AQP4: variants seen among roughly 807,000 people sequenced by gnomAD.
The protein encoded by AQP4 is aquaporin-4.
In AQP4, 18 loss-of-function variants were observed where a neutral mutation model predicts 27.8. The ratio of observed to expected loss-of-function variants is 0.65; its 90% CI spans 0.45 to 0.96. AQP4 has a LOEUF of 0.96. AQP4 is among the 40% of genes least tolerant of loss of function. The pLI, the probability that AQP4 is intolerant of heterozygous loss-of-function variation, is 0.00. For missense variants in AQP4, 412 were observed against 408.2 expected (o/e 1.01, Z -0.08); for synonymous variants, 141 against 142.9 (o/e 0.99, Z 0.10).
intron 1 of AQP4, chr18:26,862,921 G>A (rs2054981647): frequency 1.3e-5 from 4 of 307,652 alleles, no homozygotes; most frequent in Non-Finnish European, 2.4e-5. Flanking sequence ...TTCCCTTAGA[G>A]CAAGTTTTTA....
chr18:26,858,630 C>A (rs556613594), intron 4 of AQP4, among the ~76,000 whole-genome samples: 21 of 152,282 alleles, frequency 1.4e-4, no homozygotes, highest in African/African-American at 5.1e-4. Flanking sequence ...AATGTCTTTG[C>A]TCTTTGTTAG....
intron 2 of AQP4, 45 bp downstream of exon 2, chr18:26,862,137 G>T (rs920954682): frequency 6.2e-7 from 1 of 1,602,248 alleles, no homozygotes; most frequent in Non-Finnish European, 8.6e-7. Context: ...CAAAGAGTTT[G>T]CAAGAAGCTT....
Position 26,852,954 on chromosome 18 carries a change from A to G in AQP4, c.*3257T>C. The G allele has an allele frequency of 2.5e-6, 1 of 398,402 alleles. No homozygotes were observed. Among genetic ancestry groups the G allele is most frequent in the Middle Eastern group, 6.3e-4 (1 of 1,588 alleles). 24.7% of individuals were successfully genotyped at this position (398,402 alleles called of 1,614,324 possible). On this transcript the variant is annotated 3_prime_UTR_variant, in exon 5 of 5. Coordinates refer to ENST00000383168, the MANE Select transcript of AQP4 (RefSeq NM_001650.7). ...TGCAATCAGAGGCCTTCTAGGATTC[A>G]TCTTACCATTTGAATTTACTGCTCT...
At chr18:26,859,190 T>A (rs1018187318) in intron 4 of AQP4, among the ~76,000 whole-genome samples, 2 of 152,240 alleles carry the variant, frequency 1.3e-5, no homozygotes, top group African/African-American at 2.4e-5. Context: ...CAAAATAGTT[T>A]CAATTTAATA....
In AQP4 at chr18:26,860,794, A is replaced by G. The variant is rs72557975; in HGVS notation, c.671T>C (p.Met224Thr). The G allele has an allele frequency of 1.2e-3, 1,929 of 1,614,104 alleles. 5 individuals carry two copies. The highest frequency in any genetic ancestry group is 1.7e-3 in the Admixed American group (105 of 60,030). The change falls in exon 4 of 5, where the codon ATG (methionine) becomes ACG (threonine). Residue 224 changes from methionine to threonine, a missense_variant. Physicochemically the swap from Met to Thr is moderately conservative, Grantham distance 81. Coordinates refer to ENST00000383168, the MANE Select transcript of AQP4 (RefSeq NM_001650.7). ...TACCCAATGGTTTTCCCAATTTCCC[A>G]TGATAACTGCAGGTCCAAAGGATCG... Reference protein sequence around the residue: ...PARSFGPAVIMGNWENHWIYW... With the variant: ...PARSFGPAVITGNWENHWIYW...
chr18:26,864,407 A>AG (rs3834827), intron 1 of AQP4, among the ~76,000 whole-genome samples: 4,394 of 152,182 alleles, frequency 0.029, 78 homozygotes, highest in South Asian at 0.1. Context: ...CTGGCTCCAC[A>AG]GGGGGGTGGC....
rs192144920 is a variant in AQP4, at chr18:26,862,018, C to T, written c.447+164G>A. 2.0e-4 allele frequency: 163 copies of T among 816,338 alleles called. 1 individual carries two copies. In the East Asian group the frequency reaches 3.9e-3, roughly 20 times the overall value. The allele number at this position is 816,338 out of a possible 1,614,324, so 50.6% of individuals were successfully genotyped here. A position where few individuals can be genotyped will look rare whatever the true frequency, so the allele number is the denominator to read the frequency against. On this transcript the variant is annotated intron_variant, in intron 2 of 4. Transcript: ENST00000383168. Reference sequence around the variant, plus strand: ...AAACAATGATTTCTTACAGATATACCTAAATACTGCCAGAATCAGTTTTCA... The same window carrying T: ...AAACAATGATTTCTTACAGATATACTTAAATACTGCCAGAATCAGTTTTCA...
chr18:26,856,987 CAG>C (rs1372962546), intron 4 of AQP4, among the ~76,000 whole-genome samples: 1 of 152,178 alleles, frequency 6.6e-6, no homozygotes, highest in Non-Finnish European at 1.5e-5. Flanking sequence ...CACCACTTAG[CAG>C]AGTTATGAGT....
Position 26,855,610 on chromosome 18 carries a change from A to T in AQP4, c.*601T>A, listed in dbSNP as rs577787421. ...TGGGCATTGAGGAGGAAGAAATACC[A>T]TGAAATGAAGTTAGAATTGAAACTT... On this transcript the variant is annotated 3_prime_UTR_variant, in exon 5 of 5. Transcript: ENST00000383168. The T allele has an allele frequency of 6.5e-6, 1 of 153,992 alleles. No individual in the cohort carries two copies. The highest frequency in any genetic ancestry group is 6.5e-5 in the Admixed American group (1 of 15,490). 9.5% of individuals were successfully genotyped at this position (153,992 alleles called of 1,614,324 possible).
At chr18:26,861,377 A>G in intron 2 of AQP4, 82 bp from the exon 3 acceptor site, 2 of 1,394,244 alleles carry the variant, frequency 1.4e-6, no homozygotes, top group Non-Finnish European at 1.0e-6. Context: ...TGAAAGGCAC[A>G]TTTTATCTGT....
chr18:26,865,309 CTT>C (rs2144979474), intron 1 of AQP4: 3 of 409,262 alleles, frequency 7.3e-6, no homozygotes, highest in South Asian at 6.8e-5. Flanking sequence ...GGACACATTA[CTT>C]TCTAGCTGAA....
At chr18:26,865,744 C>G (rs1480025903), upstream of AQP4, 1 of 1,609,982 alleles carries the variant, frequency 6.2e-7, no homozygotes, top group Non-Finnish European at 8.5e-7. Context: ...TCCCTGTGTG[C>G]TGGGAGTCAG....
At chr18:26,860,924 T>C (rs2054930480) in intron 3 of AQP4, 72 bp from the exon 4 acceptor site, 1 of 1,479,974 alleles carries the variant, frequency 6.8e-7, no homozygotes, top group Non-Finnish European at 9.4e-7. Context: ...TCATTGCAAT[T>C]TGCTGTCATT....
In AQP4 at chr18:26,860,845, T is replaced by C. The variant is rs765939032; in HGVS notation, c.620A>G (p.Tyr207Cys). ...GGCGGGATTCATGCTGGCACCAGTA[T>C]AATTGATCTATAGGAAACAAGAAAA... ...VAIGHLFAIN[Y>C]TGASMNPARS... The change falls in exon 4 of 5, where the codon TAT becomes TGT. Residue 207 changes from tyrosine to cysteine, a missense_variant. By Grantham distance (194) the Tyr-to-Cys change is radical (BLOSUM62 -2). Coordinates refer to ENST00000383168, the MANE Select transcript of AQP4 (RefSeq NM_001650.7). 2 of 1,614,020 alleles carry C rather than the reference T, an allele frequency of 1.2e-6. No individual in the cohort carries two copies. The highest frequency in any genetic ancestry group is 2.2e-5 in the East Asian group (1 of 44,870).
rs1439451083 is a variant in AQP4 at position 26,854,694 on chromosome 18, G to A, written c.*1517C>T. 1.3e-5 allele frequency: 2 copies of A among 152,652 alleles called. No individual in the cohort carries two copies. The highest frequency in any genetic ancestry group is 2.9e-5 in the Non-Finnish European group (2 of 68,058). The allele number at this position is 152,652 out of a possible 1,614,324, so 9.5% of individuals were successfully genotyped here. On this transcript the variant is annotated 3_prime_UTR_variant, in exon 5 of 5. Coordinates refer to ENST00000383168, the MANE Select transcript of AQP4 (RefSeq NM_001650.7). ...AGAGTTGGAACCATGCTTGAGAGAA[G>A]ACAGCCCTTGATCATCAGTTATTTA...
intron 4 of AQP4, among the ~76,000 whole-genome samples, chr18:26,857,218 T>G (rs2054859918): frequency 1.3e-5 from 2 of 152,198 alleles, no homozygotes; most frequent in Non-Finnish European, 2.9e-5. Context: ...TGCAGATAGC[T>G]TTCATCTATG....
intron 1 of AQP4, among the ~76,000 whole-genome samples, chr18:26,864,748 G>A (rs1016037250): frequency 2.0e-5 from 3 of 152,048 alleles, no homozygotes; most frequent in African/African-American, 7.3e-5. Flanking sequence ...AGAAGGAGGA[G>A]GACAAAACAG....
chr18:26,856,690 A>G (rs2144951179), intron 4 of AQP4, among the ~76,000 whole-genome samples: 1 of 152,142 alleles, frequency 6.6e-6, no homozygotes, highest in South Asian at 2.1e-4. Flanking sequence ...ATTTGAACAG[A>G]AAACAAAAAG....
intron 3 of AQP4, 119 bp from the exon 4 acceptor site, chr18:26,860,971 A>G (rs2054931198): frequency 1.5e-6 from 2 of 1,360,296 alleles, no homozygotes; most frequent in South Asian, 2.4e-5. Flanking sequence ...TAGCAGCTAT[A>G]TCAACATTCT....
Sources: allele counts gnomAD v4.1 joint callset (sites outside exome capture counted in the v4.1 genomes callset), GRCh38; gene constraint gnomAD v4.1.1; transcripts MANE v1.5; gene names NCBI Gene and HGNC (gene_info 2026-07-23, HGNC 2026-07-21).